SARAF: variants seen among roughly 807,000 people sequenced by gnomAD.
SARAF encodes the protein store-operated calcium entry associated regulatory factor, also known as store-operated calcium entry-associated regulatory factor.
SARAF carries 23 observed loss-of-function variants against 39.7 expected under a neutral mutation model. The ratio of observed to expected loss-of-function variants is 0.58; its 90% confidence interval spans 0.42 to 0.82. The LOEUF is 0.82. SARAF is among the 40% of genes least tolerant of loss of function. SARAF has a pLI of 0.00. For missense variants in SARAF, 384 were observed against 418.5 expected, an observed-to-expected ratio of 0.92 and a Z score of 0.72; for synonymous variants, 175 against 168.5, an observed-to-expected ratio of 1.04 and a Z score of -0.30.
chr8:30,074,574 G>A (rs1015193949), intron 1 of SARAF, among the ~76,000 whole-genome samples: 8 of 152,198 alleles, frequency 5.3e-5, no homozygotes, highest in Admixed American at 1.3e-4. Flanking sequence ...GTTGCAGAAT[G>A]TTTTGTATGA....
chr8:30,079,214 G>A (rs902717058), intron 1 of SARAF, among the ~76,000 whole-genome samples: 2 of 147,620 alleles, frequency 1.4e-5, no homozygotes, highest in South Asian at 4.3e-4. Flanking sequence ...TTGGAACAGA[G>A]ACAAGGAAAT....
chr8:30,079,925 C>G (rs978728071), intron 1 of SARAF, among the ~76,000 whole-genome samples: 2 of 152,156 alleles, frequency 1.3e-5, no homozygotes, highest in Non-Finnish European at 2.9e-5. Flanking sequence ...CACAGGAGCT[C>G]CCTGAACTCC....
chr8:30,067,127 G>A, intron 3 of SARAF: 1 of 564,706 alleles, frequency 1.8e-6, no homozygotes, highest in Non-Finnish European at 3.1e-6. Flanking sequence ...TGGGAGGAGA[G>A]GGATAGATTT....
intron 5 of SARAF, 147 bp downstream of exon 5, chr8:30,065,841 G>T: frequency 1.2e-6 from 1 of 860,328 alleles, no homozygotes; most frequent in Non-Finnish European, 1.9e-6. Context: ...TTTAAAAGTG[G>T]GATCTCAGTT....
At chr8:30,065,536 T>A (rs1801664505) in intron 5 of SARAF, among the ~76,000 whole-genome samples, 1 of 152,248 alleles carries the variant, frequency 6.6e-6, no homozygotes, top group South Asian at 2.1e-4. Flanking sequence ...TTAATCCAGT[T>A]ATTCCTTTGT....
chr8:30,075,463 C>T (rs1047418919), intron 1 of SARAF, among the ~76,000 whole-genome samples: 1 of 152,156 alleles, frequency 6.6e-6, no homozygotes, highest in African/African-American at 2.4e-5. Flanking sequence ...CAAAAGGAAT[C>T]CCAAAACCTC....
chr8:30,064,559 A>C, intron 5 of SARAF, among the ~76,000 whole-genome samples: 1 of 50,020 alleles, frequency 2.0e-5, no homozygotes, highest in African/African-American at 9.8e-5. Context: ...ATATATATAT[A>C]TATTTTTTTT....
intron 1 of SARAF, among the ~76,000 whole-genome samples, chr8:30,077,301 T>C (rs375243850): frequency 2.8e-4 from 42 of 151,264 alleles, no homozygotes; most frequent in African/African-American, 9.5e-4. Flanking sequence ...ACAAAAAAAA[T>C]TATAACATTA....
chr8:30,069,210 G>C (rs1396108771), intron 3 of SARAF, among the ~76,000 whole-genome samples: 1 of 145,132 alleles, frequency 6.9e-6, no homozygotes, highest in Non-Finnish European at 1.5e-5. Flanking sequence ...CGCAATCTCG[G>C]CTCACCGCAA....
At position 30,063,025 on chromosome 8, in the gene SARAF, GGGAAAAAGGGTT is replaced by G. The variant is rs1377721915; in HGVS notation, c.*851_*862del. On this transcript the variant is annotated 3_prime_UTR_variant, in exon 6 of 6. Transcript: ENST00000256255. ...AACTTCTGCATGAACTTTCCCCTTTGGGAAAAAGGGTTTAAAAAAACAAAAAGTAACATTTAT... is the reference window on the plus strand; with the variant it reads ...AACTTCTGCATGAACTTTCCCCTTTGTAAAAAAACAAAAAGTAACATTTAT... 6.6e-6 allele frequency: 1 copy of G among 152,058 alleles called. No individual in the cohort carries two copies. The highest frequency in any genetic ancestry group is 1.5e-5 in the Non-Finnish European group (1 of 68,004). 9.4% of individuals were successfully genotyped at this position (152,058 alleles called of 1,614,324 possible). A position where few individuals can be genotyped will look rare whatever the true frequency, so the allele number is the denominator to read the frequency against.
chr8:30,077,614 G>A (rs111451607), intron 1 of SARAF, among the ~76,000 whole-genome samples: 4,139 of 150,126 alleles, frequency 0.028, 201 homozygotes, highest in African/African-American at 0.096. Flanking sequence ...CCATCCTGGC[G>A]AACACGGTGA....
In SARAF at chr8:30,069,846, A is replaced by C. The variant is rs1378928428; in HGVS notation, c.496T>G (p.Ser166Ala). 2 of 1,614,176 alleles carry C rather than the reference A, an allele frequency of 1.2e-6. No homozygotes were observed. Among genetic ancestry groups the C allele is most frequent in the Admixed American group, 3.3e-5 (2 of 60,032 alleles). Reference sequence around the variant, plus strand: ...CTCATGTTACAGGAATCCGCCGAGGACCACTTATAATAATAATCAGAGAAA... The same window carrying C: ...CTCATGTTACAGGAATCCGCCGAGGCCCACTTATAATAATAATCAGAGAAA... ...ASFSDYYYKW[S>A]SADSCNMSGL... Residue 166 changes from serine (S) to alanine (A), a missense_variant, in exon 3 of 6, where the codon TCC becomes GCC. Transcript: ENST00000256255.
In SARAF at chr8:30,082,745, A is replaced by C. The variant is rs1435512020; in HGVS notation, c.103+102T>G. ...TCAGACATGGGGAATCCGGGCACCC[A>C]GGCTCCGGGAAGACGGCGCACGGAA... On this transcript the variant is annotated intron_variant, in intron 1 of 5. Coordinates refer to ENST00000256255, the MANE Select transcript of SARAF (RefSeq NM_016127.6). 16 of 907,158 alleles carry C rather than the reference A, an allele frequency of 1.8e-5. No individual in the cohort carries two copies. In the East Asian group the frequency reaches 2.5e-4, roughly 14 times the overall value. The allele number at this position is 907,158 out of a possible 1,614,324, so 56.2% of individuals were successfully genotyped here.
At chr8:30,083,169 C>G (rs1210132950), upstream of SARAF, 2 of 458,964 alleles carry the variant, frequency 4.4e-6, no homozygotes, top group Non-Finnish European at 3.9e-6. Flanking sequence ...GCCCCCGCCC[C>G]TGGAGCACAG....
At chr8:30,075,981 T>TAAAAAAAA (rs1491525634) in intron 1 of SARAF, among the ~76,000 whole-genome samples, 1 of 7,386 alleles carries the variant, frequency 1.4e-4, no homozygotes, top group African/African-American at 2.9e-4. Context: ...ACAGAATCCC[T>TAAAAAAAA]AAAAAAAAAC....
chr8:30,071,068 C>T (rs1378399522), intron 2 of SARAF, among the ~76,000 whole-genome samples: 3 of 152,160 alleles, frequency 2.0e-5, no homozygotes, highest in Non-Finnish European at 4.4e-5. Context: ...AGGCCAGGCG[C>T]GGTGGTTCAT....
At chr8:30,073,367 A>C (rs1019173880) in intron 2 of SARAF, among the ~76,000 whole-genome samples, 5 of 152,240 alleles carry the variant, frequency 3.3e-5, no homozygotes, top group African/African-American at 1.2e-4. Context: ...CTCGTATACA[A>C]AACACCAGCG....
chr8:30,073,110 C>G (rs1315618798), intron 2 of SARAF, among the ~76,000 whole-genome samples: 1 of 152,154 alleles, frequency 6.6e-6, no homozygotes, highest in Non-Finnish European at 1.5e-5. Context: ...TCACCCAGTA[C>G]ACATCAACTT....
At chr8:30,072,607 T>C (rs1201509957) in intron 2 of SARAF, among the ~76,000 whole-genome samples, 2 of 152,228 alleles carry the variant, frequency 1.3e-5, no homozygotes, top group African/African-American at 4.8e-5. Context: ...AAGTAGCTTC[T>C]AAGTACTGTA....
Sources: allele counts gnomAD v4.1 joint callset (sites outside exome capture counted in the v4.1 genomes callset), GRCh38; gene constraint gnomAD v4.1.1; transcripts MANE v1.5; gene names NCBI Gene and HGNC (gene_info 2026-07-23, HGNC 2026-07-21).